NAV2: variants seen among roughly 807,000 people sequenced by gnomAD.
NAV2 encodes neuron navigator 2, also known as helicase, APC down-regulated 1.
In NAV2, 54 loss-of-function variants were observed where a neutral mutation model predicts 223.2. The ratio of observed to expected loss-of-function variants is 0.24; its 90% CI spans 0.19 to 0.30. The LOEUF is 0.30. Ranked by LOEUF, NAV2 falls within the 10% of genes least tolerant of loss-of-function variation. The pLI, the probability that NAV2 is intolerant of heterozygous loss-of-function variation, is 1.00. For missense variants in NAV2, 2,806 were observed against 3,147.5 expected (o/e 0.89, Z 2.60); for synonymous variants, 1,279 against 1,239.3 (o/e 1.03, Z -0.67).
At chr11:19,490,360 A>T (rs142450867) in intron 1 of NAV2, among the ~76,000 whole-genome samples, 56 of 152,346 alleles carry the variant, frequency 3.7e-4, no homozygotes, top group African/African-American at 1.3e-3. Flanking sequence ...CCCACAGTAG[A>T]AATTATTTCA....
At chr11:19,703,171 A>C (rs1189291639) in intron 1 of NAV2, among the ~76,000 whole-genome samples, 1 of 152,152 alleles carries the variant, frequency 6.6e-6, no homozygotes, top group Non-Finnish European at 1.5e-5. Context: ...CAAAGCTCTA[A>C]TTTTTGTTAA....
At chr11:19,475,732 A>G (rs927314490) in intron 1 of NAV2, among the ~76,000 whole-genome samples, 1 of 152,238 alleles carries the variant, frequency 6.6e-6, no homozygotes, top group African/African-American at 2.4e-5. Flanking sequence ...AATGTCCCAC[A>G]GAGAAAATGA....
At chr11:20,000,147 T>C (rs1829548008) in intron 11 of NAV2, among the ~76,000 whole-genome samples, 2 of 152,306 alleles carry the variant, frequency 1.3e-5, no homozygotes, top group African/African-American at 4.8e-5. Context: ...CCCTGATGGA[T>C]AACTGGCAAA....
intron 1 of NAV2, among the ~76,000 whole-genome samples, chr11:19,469,631 G>A (rs577984094): frequency 4.6e-5 from 7 of 152,256 alleles, no homozygotes; most frequent in African/African-American, 1.4e-4. Context: ...GCAGGATCCC[G>A]GCAGCCTTTT....
At chr11:19,949,697 C>T (rs1221633299) in intron 10 of NAV2, among the ~76,000 whole-genome samples, 3 of 152,220 alleles carry the variant, frequency 2.0e-5, no homozygotes, top group Non-Finnish European at 4.4e-5. Flanking sequence ...GGAAGATTAT[C>T]ACTATTCGAA....
intron 1 of NAV2, among the ~76,000 whole-genome samples, chr11:19,516,105 A>T (rs900160030): frequency 9.8e-5 from 15 of 152,314 alleles, no homozygotes; most frequent in African/African-American, 3.6e-4. Context: ...CTGGCTGGAG[A>T]TATAAATTAG....
intron 1 of NAV2, among the ~76,000 whole-genome samples, chr11:19,672,250 C>A (rs926785040): frequency 4.6e-5 from 7 of 152,128 alleles, no homozygotes; most frequent in Admixed American, 4.6e-4. Flanking sequence ...GGTCCTGAGT[C>A]CATGCTCAAG....
At chr11:20,047,662 C>T (rs2153593667) in intron 14 of NAV2, among the ~76,000 whole-genome samples, 1 of 152,276 alleles carries the variant, frequency 6.6e-6, no homozygotes, top group East Asian at 1.9e-4. Context: ...CCTGTTGTCA[C>T]CAGGCACAAA....
intron 1 of NAV2, among the ~76,000 whole-genome samples, chr11:19,481,736 G>A (rs2042287986): frequency 6.6e-6 from 1 of 152,188 alleles, no homozygotes; most frequent in Non-Finnish European, 1.5e-5. Flanking sequence ...TGCTGGCTGT[G>A]CCTTGAGATA....
chr11:19,662,953 G>A (rs1242442651), intron 1 of NAV2, among the ~76,000 whole-genome samples: 2 of 152,138 alleles, frequency 1.3e-5, no homozygotes, highest in South Asian at 4.1e-4. Context: ...TCCATGCCTC[G>A]TGGAGGTCCA....
intron 14 of NAV2, among the ~76,000 whole-genome samples, chr11:20,047,957 C>T (rs2057614910): frequency 6.6e-6 from 1 of 152,162 alleles, no homozygotes; most frequent in Admixed American, 6.5e-5. Context: ...AGTTCTCTGC[C>T]AGTGGAAGAG....
At chr11:19,480,342 C>T (rs1360552741) in intron 1 of NAV2, among the ~76,000 whole-genome samples, 1 of 151,938 alleles carries the variant, frequency 6.6e-6, no homozygotes. Context: ...AAGGAGGAAA[C>T]AGGCTTAGAG....
intron 30 of NAV2, 72 bp downstream of exon 30, chr11:20,095,839 G>A: frequency 1.8e-6 from 2 of 1,121,878 alleles, no homozygotes; most frequent in Non-Finnish European, 1.4e-6. Flanking sequence ...GGAAAAGAGA[G>A]GTTGATGTCC....
chr11:19,795,911 G>T (rs555726019), intron 1 of NAV2, among the ~76,000 whole-genome samples: 31 of 152,312 alleles, frequency 2.0e-4, no homozygotes, highest in Admixed American at 1.8e-3. Flanking sequence ...TCATTTGTCA[G>T]TTCCACAGAC....
intron 1 of NAV2, among the ~76,000 whole-genome samples, chr11:19,496,412 G>GC (rs1356948770): frequency 6.6e-6 from 1 of 152,208 alleles, no homozygotes; most frequent in Non-Finnish European, 1.5e-5. Context: ...CTTGACTGGG[G>GC]CTGGAGGACC....
upstream of NAV2, chr11:19,712,292 A>AG (rs1377113068): frequency 6.6e-6 from 1 of 152,264 alleles, no homozygotes; most frequent in East Asian, 1.9e-4. Context: ...AATACTTCAA[A>AG]TAGTTAAGTG....
At chr11:19,352,322 A>G (rs2078568548) in intron 1 of NAV2, among the ~76,000 whole-genome samples, 1 of 152,370 alleles carries the variant, frequency 6.6e-6, no homozygotes, top group Non-Finnish European at 1.5e-5. Context: ...TTGACTAAGT[A>G]TTAGCCAAGT....
intron 1 of NAV2, among the ~76,000 whole-genome samples, chr11:19,744,277 G>T (rs746114260): frequency 3.9e-5 from 6 of 152,128 alleles, no homozygotes; most frequent in Non-Finnish European, 8.8e-5. Context: ...TGAGTTGCAG[G>T]CCTTCACTGT....
chr11:19,540,313 C>T (rs982508030), intron 1 of NAV2, among the ~76,000 whole-genome samples: 2 of 152,130 alleles, frequency 1.3e-5, no homozygotes, highest in African/African-American at 4.8e-5. Context: ...AGCCCAAGGG[C>T]CCTTCTCTAT....
Sources: allele counts gnomAD v4.1 joint callset (sites outside exome capture counted in the v4.1 genomes callset), GRCh38; gene constraint gnomAD v4.1.1; transcripts MANE v1.5; gene names NCBI Gene and HGNC (gene_info 2026-07-23, HGNC 2026-07-21).